Variants in PAQR5 observed in about 807,000 individuals in gnomAD.
The protein encoded by PAQR5 is progestin and adipoQ receptor family member 5, also known as membrane progestin receptor gamma.
In PAQR5, 20 loss-of-function variants were observed where a neutral mutation model predicts 34.5. That is an observed-to-expected ratio of 0.58 (90% CI 0.41 to 0.84). PAQR5 has a LOEUF of 0.84. Among genes scored for constraint, PAQR5 ranks in the 40% least tolerant of loss-of-function variants. The pLI, the probability that PAQR5 is intolerant of heterozygous loss-of-function variation, is 0.00. For missense variants in PAQR5, 378 were observed against 412.7 expected (o/e 0.92, Z 0.73); for synonymous variants, 131 against 155.6 (o/e 0.84, Z 1.18).
intron 1 of PAQR5, among the ~76,000 whole-genome samples, chr15:69,322,756 A>AAGAAGAAGAAGAAGAAGAGGG (rs2054140322): frequency 2.2e-5 from 1 of 45,876 alleles, no homozygotes; most frequent in African/African-American, 7.7e-5. Flanking sequence ...GAAGAAGAAG[A>AAGAAGAAGAAGAAGAAGAGGG]AGAAGAAGAA....
intron 3 of PAQR5, among the ~76,000 whole-genome samples, chr15:69,373,840 G>A (rs550259692): frequency 1.1e-4 from 17 of 152,258 alleles, no homozygotes; most frequent in African/African-American, 3.9e-4. Context: ...CTGACCTCAA[G>A]TGATCTGCCC....
chr15:69,403,514 C>T, intron 8 of PAQR5, 67 bp from the exon 9 acceptor site: 1 of 1,476,806 alleles, frequency 6.8e-7, no homozygotes, highest in South Asian at 1.2e-5. Flanking sequence ...AGCATGAATG[C>T]CATAGCATGT....
chr15:69,358,632 C>CGTTTTTTTTT (rs1567019143), intron 2 of PAQR5, among the ~76,000 whole-genome samples: 1 of 6,572 alleles, frequency 1.5e-4, no homozygotes, highest in East Asian at 5.8e-3. Context: ...AGCTCTGTGG[C>CGTTTTTTTTT]ATTTTTTTTT....
Position 69,371,279 on chromosome 15 carries a change from T to C in PAQR5, c.52-8604T>C, listed in dbSNP as rs117396567. On this transcript the variant is annotated intron_variant, in intron 3 of 8. Coordinates refer to ENST00000395407, the MANE Select transcript of PAQR5 (RefSeq NM_017705.4). The stretch of plus-strand genomic sequence containing the variant: ...CACATTTTGAATCAGAAATGAATTA[T>C]ACATTTTTTCTTTTTTTAATTGAAG... 4.9e-4 allele frequency among the ~76,000 whole-genome samples: 74 copies of C among 152,314 alleles called. No individual in the cohort carries two copies. In the East Asian group the frequency reaches 0.01, roughly 21 times the overall value.
chr15:69,350,094 T>C (rs369945772), intron 2 of PAQR5, among the ~76,000 whole-genome samples: 1 of 152,218 alleles, frequency 6.6e-6, no homozygotes, highest in African/African-American at 2.4e-5. Flanking sequence ...AGTCGCTTAA[T>C]TGGAAAAGTT....
In PAQR5 at chr15:69,300,937, C is replaced by CTTTCTTTCTTTCTT. The variant is rs56151928; in HGVS notation, c.-277+1882_-277+1883insTTCTTTCTTTCTTT. On this transcript the variant is annotated intron_variant, in intron 1 of 8. Coordinates refer to ENST00000395407, the MANE Select transcript of PAQR5 (RefSeq NM_017705.4). ...CCTTTCTCTCTCTCTCTCTCTCTCT[C>CTTTCTTTCTTTCTT]TCTTTCTTTCCTTCTTTCTTTCTTT... Among the ~76,000 whole-genome samples the CTTTCTTTCTTTCTT allele has an allele frequency of 5.8e-4, 3 of 5,154 alleles. 1 individual carries two copies. Among genetic ancestry groups the CTTTCTTTCTTTCTT allele is most frequent in the Non-Finnish European group, 2.7e-3 (3 of 1,108 alleles). 3.4% of individuals were successfully genotyped at this position (5,154 alleles called of 152,430 possible).
intron 3 of PAQR5, among the ~76,000 whole-genome samples, chr15:69,379,000 C>G (rs2055802029): frequency 6.6e-6 from 1 of 152,190 alleles, no homozygotes; most frequent in South Asian, 2.1e-4. Flanking sequence ...AAACAGGTCT[C>G]CTGCAATCCT....
intron 2 of PAQR5, among the ~76,000 whole-genome samples, chr15:69,351,116 C>T (rs928494630): frequency 1.3e-5 from 2 of 152,196 alleles, no homozygotes; most frequent in Non-Finnish European, 2.9e-5. Context: ...GCTTCCCTAA[C>T]CTGTGAAGGG....
intron 6 of PAQR5, among the ~76,000 whole-genome samples, chr15:69,390,296 G>A (rs577419012): frequency 8.6e-5 from 13 of 151,934 alleles, no homozygotes; most frequent in Non-Finnish European, 1.5e-4. Context: ...GATTACAGGC[G>A]TGAGCCATGG....
intron 4 of PAQR5, among the ~76,000 whole-genome samples, chr15:69,383,365 T>TCATGGTGGAGGGTGAGTGGCCCTC (rs1595920484): frequency 7.8e-6 from 1 of 127,434 alleles, no homozygotes; most frequent in Admixed American, 7.8e-5. Context: ...GAGTGGGCCT[T>TCATGGTGGAGGGTGAGTGGCCCTC]TGTGTACATG....
rs71149903 is a variant in PAQR5 at position 69,301,859 on chromosome 15, A to ATTTTTTTTTTT, written c.-277+2830_-277+2840dup. ...GTGAATTCATAAGAAATGGGGGGAG[A>ATTTTTTTTTTT]TTTTTTTTTTTTTTTTTTTTTTTTT... On this transcript the variant is annotated intron_variant, in intron 1 of 8. Coordinates refer to ENST00000395407, the MANE Select transcript of PAQR5 (RefSeq NM_017705.4). Among the ~76,000 whole-genome samples, 270 of 98,816 alleles carry ATTTTTTTTTTT rather than the reference A, an allele frequency of 2.7e-3. 30 individuals are homozygous for ATTTTTTTTTTT. The highest frequency in any genetic ancestry group is 3.6e-3 in the Non-Finnish European group (202 of 55,888). The allele number at this position is 98,816 out of a possible 152,430, so 64.8% of individuals were successfully genotyped here. A position where few individuals can be genotyped will look rare whatever the true frequency, so the allele number is the denominator to read the frequency against.
intron 3 of PAQR5, among the ~76,000 whole-genome samples, chr15:69,372,937 G>A (rs2055603641): frequency 6.6e-6 from 1 of 152,180 alleles, no homozygotes; most frequent in African/African-American, 2.4e-5. Flanking sequence ...TTACAGTCCT[G>A]TAGGTTACAA....
At chr15:69,312,994 G>A (rs549805052) in intron 1 of PAQR5, among the ~76,000 whole-genome samples, 12 of 152,250 alleles carry the variant, frequency 7.9e-5, no homozygotes, top group East Asian at 1.9e-4. Flanking sequence ...CTCTTGTATC[G>A]TTGCTTACAC....
chr15:69,397,625 C>T (rs944771453), intron 7 of PAQR5, 61 bp downstream of exon 7: 2 of 1,136,668 alleles, frequency 1.8e-6, no homozygotes, highest in African/African-American at 3.0e-5. Flanking sequence ...AGTTGTTTTC[C>T]TGAGCTTCTG....
chr15:69,404,951 TGAA>T lies in PAQR5; in HGVS notation c.*1133_*1135del. 1 of 398,600 alleles carries T rather than the reference TGAA, an allele frequency of 2.5e-6. No homozygotes were observed. Among genetic ancestry groups the T allele is most frequent in the Admixed American group, 4.4e-5 (1 of 22,724 alleles). 24.7% of individuals were successfully genotyped at this position (398,600 alleles called of 1,614,324 possible). On this transcript the variant is annotated 3_prime_UTR_variant, in exon 9 of 9. Coordinates refer to ENST00000395407, the MANE Select transcript of PAQR5 (RefSeq NM_017705.4). Reference sequence around the variant, plus strand: ...ATACAGGAGGGCCAGAGGCCAAACTTGAAGAACTGCTGGTGTTACATGTTCCAA... The same window carrying T: ...ATACAGGAGGGCCAGAGGCCAAACTTGAACTGCTGGTGTTACATGTTCCAA...
At chr15:69,343,988 C>A (rs777423042) in intron 2 of PAQR5, among the ~76,000 whole-genome samples, 5 of 152,158 alleles carry the variant, frequency 3.3e-5, no homozygotes, top group Non-Finnish European at 5.9e-5. Context: ...CACATGCCAC[C>A]ATGCCTGGCT....
intron 1 of PAQR5, among the ~76,000 whole-genome samples, chr15:69,308,117 T>G (rs1385056845): frequency 6.6e-6 from 1 of 152,152 alleles, no homozygotes; most frequent in Admixed American, 6.5e-5. Flanking sequence ...TGGAGGGCCC[T>G]GCGGAGTTGA....
chr15:69,348,061 A>T (rs188379318), intron 2 of PAQR5, among the ~76,000 whole-genome samples: 198 of 152,224 alleles, frequency 1.3e-3, no homozygotes, highest in Non-Finnish European at 1.7e-3. Flanking sequence ...ATGGACCACC[A>T]ACATCCTTCC....
intron 6 of PAQR5, chr15:69,397,118 T>C: frequency 2.2e-6 from 1 of 456,322 alleles, no homozygotes; most frequent in Non-Finnish European, 4.4e-6. Flanking sequence ...CCCTACCCGT[T>C]CCCTGTCCCT....
Sources: allele counts gnomAD v4.1 joint callset (sites outside exome capture counted in the v4.1 genomes callset), GRCh38; gene constraint gnomAD v4.1.1; transcripts MANE v1.5; gene names NCBI Gene and HGNC (gene_info 2026-07-23, HGNC 2026-07-21).